The following ANTXR2 variants were observed in gnomAD, a reference collection of about 807,000 sequenced individuals.
The protein encoded by ANTXR2 is ANTXR cell adhesion molecule 2.
A neutral mutation model predicts 73.7 loss-of-function variants in ANTXR2; 44 were observed. The observed-to-expected ratio is 0.60, with a 90% confidence interval of 0.47 to 0.77. ANTXR2 has a LOEUF of 0.77. Among genes scored for constraint, ANTXR2 ranks in the 30% least tolerant of loss-of-function variants. The pLI is 0.00. For synonymous variants in ANTXR2, 217 were observed against 205.9 expected, an observed-to-expected ratio of 1.05 and a Z score of -0.46; for missense variants, 604 against 592.5, an observed-to-expected ratio of 1.02 and a Z score of -0.20.
intron 16 of ANTXR2, among the ~76,000 whole-genome samples, chr4:79,913,350 A>C (rs1198328047): frequency 6.6e-6 from 1 of 152,190 alleles, no homozygotes; most frequent in Non-Finnish European, 1.5e-5. Flanking sequence ...AAATTATAAA[A>C]GTTTCAATAA....
intron 16 of ANTXR2, among the ~76,000 whole-genome samples, chr4:79,926,979 G>GTGCATATATGTGTATATATATACACA (rs1297326048): frequency 2.3e-5 from 1 of 43,730 alleles, no homozygotes; most frequent in African/African-American, 4.3e-5. Context: ...GTATATATAC[G>GTGCATATATGTGTATATATATACACA]TGTGCATATA....
intron 12 of ANTXR2, among the ~76,000 whole-genome samples, chr4:79,985,211 G>A (rs552062041): frequency 3.5e-4 from 53 of 151,972 alleles, no homozygotes; most frequent in African/African-American, 1.1e-3. Flanking sequence ...TTAGCCGGGC[G>A]TGGTGGCGGG....
At chr4:80,034,410 T>C (rs944517046) in intron 8 of ANTXR2, among the ~76,000 whole-genome samples, 1 of 152,020 alleles carries the variant, frequency 6.6e-6, no homozygotes, top group African/African-American at 2.4e-5. Context: ...AGAAGATTCT[T>C]GAATTAGACA....
At chr4:79,913,592 A>C (rs1181920778) in intron 16 of ANTXR2, among the ~76,000 whole-genome samples, 1 of 152,186 alleles carries the variant, frequency 6.6e-6, no homozygotes, top group African/African-American at 2.4e-5. Flanking sequence ...TTCTCTATGC[A>C]ATTAACAATA....
intron 16 of ANTXR2, among the ~76,000 whole-genome samples, chr4:79,921,342 G>C (rs1727581255): frequency 1.3e-5 from 2 of 151,896 alleles, no homozygotes; most frequent in African/African-American, 4.8e-5. Flanking sequence ...TCCTAGTTAA[G>C]TTAGGTTTCT....
intron 3 of ANTXR2, among the ~76,000 whole-genome samples, chr4:80,065,515 G>C (rs528659273): frequency 1.3e-5 from 2 of 152,194 alleles, no homozygotes; most frequent in South Asian, 4.1e-4. Flanking sequence ...CAGACATATG[G>C]AGGGTAAAAA....
intron 12 of ANTXR2, among the ~76,000 whole-genome samples, chr4:79,990,989 C>G (rs7683122): frequency 0.1 from 15,113 of 151,844 alleles, 2,461 homozygotes; most frequent in African/African-American, 0.34. Context: ...AAATATAAAA[C>G]CTAAAACTCT....
At position 80,072,834 on chromosome 4, in the gene ANTXR2, T is replaced by G; in HGVS notation, c.-274A>C. ...CGCGATCCAGTCCTCCCCCTCCCGA[T>G]TCCGGAGAGTTCCTGCAGACAATGC... is the stretch of plus-strand genomic sequence containing the variant. On this transcript the variant is annotated 5_prime_UTR_variant, in exon 1 of 17. Coordinates refer to ENST00000403729, the MANE Select transcript of ANTXR2 (RefSeq NM_058172.6). 7.9e-5 allele frequency: 49 copies of G among 623,718 alleles called. No individual in the cohort carries two copies. Among genetic ancestry groups the G allele is most frequent in the East Asian group, 3.5e-4 (8 of 23,100 alleles). The allele number at this position is 623,718 out of a possible 1,614,324, so 38.6% of individuals were successfully genotyped here.
At chr4:79,993,400 G>C (rs1191950075) in intron 12 of ANTXR2, among the ~76,000 whole-genome samples, 1 of 151,746 alleles carries the variant, frequency 6.6e-6, no homozygotes, top group African/African-American at 2.4e-5. Flanking sequence ...ACTGCAGAGG[G>C]AAGGACAAAG....
intron 12 of ANTXR2, among the ~76,000 whole-genome samples, chr4:79,998,215 A>G (rs565056421): frequency 1.3e-5 from 2 of 152,122 alleles, no homozygotes; most frequent in South Asian, 4.1e-4. Flanking sequence ...ATTGGGCTTT[A>G]AAAACATAAA....
rs1345524115 is a variant in ANTXR2, at chr4:80,018,692, C to T, written c.945+206G>A. Among the ~76,000 whole-genome samples the T allele has an allele frequency of 2.6e-5, 4 of 152,028 alleles. No individual in the cohort carries two copies. In the South Asian group the frequency reaches 6.2e-4, roughly 24 times the overall value. ...AGTATGAAAATCAAATGCATACTACCTTAAAGTTCCTATAAAAGGGAGCTC... is the reference window on the plus strand; with the variant it reads ...AGTATGAAAATCAAATGCATACTACTTTAAAGTTCCTATAAAAGGGAGCTC... On this transcript the variant is annotated intron_variant, in intron 11 of 16. Transcript: ENST00000403729.
intron 16 of ANTXR2, among the ~76,000 whole-genome samples, chr4:79,930,078 C>T (rs993957605): frequency 6.6e-6 from 1 of 152,166 alleles, no homozygotes; most frequent in Non-Finnish European, 1.5e-5. Flanking sequence ...AAGAATCAAC[C>T]TCCAACACCC....
At chr4:79,997,342 C>T (rs866577277) in intron 12 of ANTXR2, among the ~76,000 whole-genome samples, 9 of 151,696 alleles carry the variant, frequency 5.9e-5, no homozygotes, top group Middle Eastern at 3.4e-3. Context: ...AAAAAAATGC[C>T]CAATTTATCG....
chr4:80,019,444 A>G (rs1732052054), intron 10 of ANTXR2, among the ~76,000 whole-genome samples: 1 of 152,228 alleles, frequency 6.6e-6, no homozygotes, highest in Non-Finnish European at 1.5e-5. Context: ...TCTAGTCTTT[A>G]CTTATTAGTC....
intron 11 of ANTXR2, among the ~76,000 whole-genome samples, chr4:80,015,209 T>C (rs1442122033): frequency 1.3e-5 from 2 of 152,162 alleles, no homozygotes; most frequent in Non-Finnish European, 2.9e-5. Context: ...TTACACAACA[T>C]GTCTACAATG....
rs1731505549 is a variant in ANTXR2, at chr4:80,010,186, CT to C, written c.946-1571del. On this transcript the variant is annotated intron_variant, in intron 11 of 16. Transcript: ENST00000403729. ...TTAGAAAGAACATTCCAAAGTGCAT[CT>C]TTCTTTACAAAATTCTAAATATTCA... 3.9e-5 allele frequency among the ~76,000 whole-genome samples: 6 copies of C among 152,052 alleles called. 1 individual carries two copies. In the South Asian group the frequency reaches 1.2e-3, roughly 32 times the overall value.
intron 14 of ANTXR2, among the ~76,000 whole-genome samples, chr4:79,981,854 G>A (rs1291058605): frequency 6.6e-6 from 1 of 152,146 alleles, no homozygotes; most frequent in East Asian, 1.9e-4. Context: ...CAAGTTGGCT[G>A]CGGTTTTTCG....
At chr4:79,910,353 A>G (rs1279239939) in intron 16 of ANTXR2, among the ~76,000 whole-genome samples, 3 of 151,912 alleles carry the variant, frequency 2.0e-5, no homozygotes, top group African/African-American at 7.3e-5. Context: ...TACTGAAAAT[A>G]TAAAAATTAG....
chr4:79,943,659 G>A (rs1350938075), intron 16 of ANTXR2, among the ~76,000 whole-genome samples: 90 of 133,052 alleles, frequency 6.8e-4, no homozygotes, highest in African/African-American at 2.3e-3. Flanking sequence ...TGGGTGCAGC[G>A]CACCAGCATG....
Sources: allele counts gnomAD v4.1 joint callset (sites outside exome capture counted in the v4.1 genomes callset), GRCh38; gene constraint gnomAD v4.1.1; transcripts MANE v1.5; gene names NCBI Gene and HGNC (gene_info 2026-07-23, HGNC 2026-07-21).